Variants in KPNA3 observed in about 807,000 individuals in gnomAD.
KPNA3 encodes karyopherin subunit alpha 3, also known as importin subunit alpha-4.
In KPNA3, 13 loss-of-function variants were observed where a neutral mutation model predicts 73.8. That is an observed-to-expected ratio of 0.18 (90% CI 0.11 to 0.28). The LOEUF is 0.28. Among genes scored for constraint, KPNA3 ranks in the 10% least tolerant of loss-of-function variants. The pLI is 1.00. For synonymous variants in KPNA3, 186 were observed against 206.9 expected, an observed-to-expected ratio of 0.90 and a Z score of 0.87; for missense variants, 360 against 618.1, an observed-to-expected ratio of 0.58 and a Z score of 4.43.
At chr13:49,786,911 G>C (rs1039137492) in intron 1 of KPNA3, among the ~76,000 whole-genome samples, 1 of 152,188 alleles carries the variant, frequency 6.6e-6, no homozygotes, top group African/African-American at 2.4e-5. Context: ...GAAGAGCTAG[G>C]TACACTATTA....
At chr13:49,783,580 C>T (rs1207882043) in intron 1 of KPNA3, among the ~76,000 whole-genome samples, 4 of 152,160 alleles carry the variant, frequency 2.6e-5, no homozygotes, top group Non-Finnish European at 4.4e-5. Context: ...ACAGCCAAAC[C>T]GTATGCTAAC....
chr13:49,734,950 TAGATAG>T (rs1954507882), intron 2 of KPNA3, among the ~76,000 whole-genome samples: 2 of 76,174 alleles, frequency 2.6e-5, no homozygotes, highest in Non-Finnish European at 3.5e-5. Context: ...GAGAGAGAGA[TAGATAG>T]AGAGAGAGAG....
rs538481321 is a variant in KPNA3, at chr13:49,731,754, C to G, written c.383+617G>C. Among the ~76,000 whole-genome samples the G allele has an allele frequency of 6.7e-4, 102 of 152,286 alleles. 1 individual carries two copies. The highest frequency in any genetic ancestry group is 2.4e-3 in the African/African-American group (100 of 41,558). ...AATTAACAAAGTTTAAGGCACAGCA[C>G]TGAGATATCACTAAACAAAAATGGA... On this transcript the variant is annotated intron_variant, in intron 6 of 16. Transcript: ENST00000261667.
chr13:49,731,203 T>C (rs1338796205), intron 6 of KPNA3, among the ~76,000 whole-genome samples: 1 of 151,086 alleles, frequency 6.6e-6, no homozygotes, highest in African/African-American at 2.4e-5. Flanking sequence ...GCCTCCCAAG[T>C]AGCTGGGACT....
At position 49,792,421 on chromosome 13, in the gene KPNA3, C is replaced by T. The variant is rs763969875; in HGVS notation, c.69+17G>A. 1.3e-6 allele frequency: 2 copies of T among 1,553,234 alleles called. No individual in the cohort carries two copies. Among genetic ancestry groups the T allele is most frequent in the South Asian group, 1.2e-5 (1 of 85,718 alleles). ...CCGGCGCGGCCAGGCGGGCCCAGAC[C>T]GCGGAAGCACACTCACTTCCACATC... is the stretch of plus-strand genomic sequence containing the variant. On this transcript the variant is annotated intron_variant, in intron 1 of 16. Transcript: ENST00000261667.
At chr13:49,749,770 C>T (rs765500780) in intron 1 of KPNA3, among the ~76,000 whole-genome samples, 2 of 152,246 alleles carry the variant, frequency 1.3e-5, no homozygotes, top group Admixed American at 6.5e-5. Context: ...TTACCCTCAC[C>T]TATCTCTAAT....
At chr13:49,784,316 C>T (rs1166343291) in intron 1 of KPNA3, among the ~76,000 whole-genome samples, 1 of 152,090 alleles carries the variant, frequency 6.6e-6, no homozygotes, top group Non-Finnish European at 1.5e-5. Flanking sequence ...ACCAGTTAAG[C>T]ACCACCAGAA....
intron 2 of KPNA3, among the ~76,000 whole-genome samples, chr13:49,745,943 G>A (rs1954612866): frequency 5.3e-5 from 8 of 150,342 alleles, no homozygotes; most frequent in Admixed American, 5.3e-4. Context: ...GACGCCTGTA[G>A]TCCCAGCTAC....
intron 1 of KPNA3, among the ~76,000 whole-genome samples, chr13:49,781,531 T>C (rs1954940549): frequency 6.6e-6 from 1 of 152,238 alleles, no homozygotes; most frequent in Non-Finnish European, 1.5e-5. Flanking sequence ...TTACTGGTTA[T>C]CATTATTTTC....
At chr13:49,789,133 T>C (rs1308876998) in intron 1 of KPNA3, among the ~76,000 whole-genome samples, 1 of 152,190 alleles carries the variant, frequency 6.6e-6, no homozygotes, top group Non-Finnish European at 1.5e-5. Flanking sequence ...ACATCTCCTC[T>C]TTGCTCTGGA....
chr13:49,708,075 A>G (rs1954224654), intron 12 of KPNA3, among the ~76,000 whole-genome samples: 1 of 151,116 alleles, frequency 6.6e-6, no homozygotes, highest in African/African-American at 2.4e-5. Flanking sequence ...GGCTCACTGC[A>G]AACTCCACCT....
At chr13:49,768,951 G>T (rs1181602792) in intron 1 of KPNA3, among the ~76,000 whole-genome samples, 1 of 152,032 alleles carries the variant, frequency 6.6e-6, no homozygotes, top group African/African-American at 2.4e-5. Flanking sequence ...TAAGGTTGTG[G>T]TATTCTTCAC....
Position 49,704,482 on chromosome 13 carries a change from T to A in KPNA3, c.1372+1139A>T, listed in dbSNP as rs79235623. Among the ~76,000 whole-genome samples, 723 of 104,950 alleles carry A rather than the reference T, an allele frequency of 6.9e-3. 19 individuals carry two copies. In the East Asian group the frequency reaches 0.32, roughly 46 times the overall value. 68.9% of individuals were successfully genotyped at this position (104,950 alleles called of 152,430 possible). On this transcript the variant is annotated intron_variant, in intron 15 of 16. Coordinates refer to ENST00000261667, the MANE Select transcript of KPNA3 (RefSeq NM_002267.4). ...ATAAATAAATAAATAAATAAATAAATAGAAAGAAAGAAATCCTCCCAGTCT... is the reference window on the plus strand; with the variant it reads ...ATAAATAAATAAATAAATAAATAAAAAGAAAGAAAGAAATCCTCCCAGTCT...
At position 49,785,175 on chromosome 13, in the gene KPNA3, A is replaced by G. The variant is rs939235929; in HGVS notation, c.69+7263T>C. On this transcript the variant is annotated intron_variant, in intron 1 of 16. Coordinates refer to ENST00000261667, the MANE Select transcript of KPNA3 (RefSeq NM_002267.4). ...GGGGAGGAAGGCTGAATCTGGAGAA[A>G]TAATCAGGCATCAGGCTCACTGAAA... Among the ~76,000 whole-genome samples the G allele has an allele frequency of 2.0e-5, 3 of 152,206 alleles. No homozygotes were observed. In the South Asian group the frequency reaches 6.2e-4, roughly 32 times the overall value.
chr13:49,779,671 C>T (rs1954925626), intron 1 of KPNA3, among the ~76,000 whole-genome samples: 1 of 152,154 alleles, frequency 6.6e-6, no homozygotes. Context: ...GCCTTCTTTC[C>T]ACCCTACGTC....
In KPNA3 at chr13:49,743,014, AAG is replaced by A. The variant is rs1399624475; in HGVS notation, c.114+3933_114+3934del. On this transcript the variant is annotated intron_variant, in intron 2 of 16. Transcript: ENST00000261667. ...TTAGGCATTTTGAGATGGGCTAAGA[AAG>A]AGACTTAGGAGTTATTTGGGAGGCT... is the stretch of plus-strand genomic sequence containing the variant. Among the ~76,000 whole-genome samples the A allele has an allele frequency of 2.0e-5, 3 of 151,642 alleles. No individual in the cohort carries two copies. In the East Asian group the frequency reaches 5.8e-4, roughly 29 times the overall value.
intron 1 of KPNA3, among the ~76,000 whole-genome samples, chr13:49,787,477 G>C (rs1341236256): frequency 6.6e-6 from 1 of 152,184 alleles, no homozygotes; most frequent in African/African-American, 2.4e-5. Flanking sequence ...GTACAGCACA[G>C]TAAGCAAGAG....
intron 1 of KPNA3, among the ~76,000 whole-genome samples, chr13:49,764,091 TC>T (rs1380430715): frequency 7.2e-6 from 1 of 138,422 alleles, no homozygotes; most frequent in African/African-American, 2.7e-5. Flanking sequence ...AAAAAAAGAG[TC>T]AGTTTGTCAG....
rs561096760 is a variant in KPNA3, at chr13:49,701,068, C to T, written c.*732G>A. The T allele has an allele frequency of 6.4e-6, 1 of 156,474 alleles. No homozygotes were observed. The highest frequency in any genetic ancestry group is 1.4e-5 in the Non-Finnish European group (1 of 70,814). 9.7% of individuals were successfully genotyped at this position (156,474 alleles called of 1,614,324 possible). On this transcript the variant is annotated 3_prime_UTR_variant, in exon 17 of 17. Transcript: ENST00000261667. ...GAACACACAGGCTGAAGAGAGTGGT[C>T]AAATAGGGCTTGCTGTTCTCAAAAA...
Sources: gnomAD v4.1 joint callset for allele counts (sites outside exome capture counted in the v4.1 genomes callset) on GRCh38, gnomAD v4.1.1 for gene constraint, MANE v1.5 for transcripts, NCBI Gene and HGNC (gene_info 2026-07-23, HGNC 2026-07-21) for gene names.